Variants in NDUFAF2 observed in about 807,000 individuals in gnomAD.
The protein encoded by NDUFAF2 is NADH dehydrogenase [ubiquinone] 1 alpha subcomplex assembly factor 2.
NDUFAF2 carries 13 observed loss-of-function variants against 22.8 expected under a neutral mutation model. The ratio of observed to expected loss-of-function variants is 0.57; its 90% CI spans 0.37 to 0.91. NDUFAF2 has a LOEUF of 0.91. Among genes scored for constraint, NDUFAF2 ranks in the 40% least tolerant of loss-of-function variants. The probability of loss-of-function intolerance (pLI) is 0.01; values close to 1 mark genes in which losing one functional copy is unlikely to be tolerated. For synonymous variants in NDUFAF2, 53 were observed against 64.2 expected, an observed-to-expected ratio of 0.83 and a Z score of 0.84; for missense variants, 162 against 195.2, an observed-to-expected ratio of 0.83 and a Z score of 1.01.
chr5:60,955,801 T>C (rs1750607760), intron 1 of NDUFAF2, among the ~76,000 whole-genome samples: 1 of 152,184 alleles, frequency 6.6e-6, no homozygotes, highest in South Asian at 2.1e-4. Flanking sequence ...TTCCTTAGTT[T>C]GTTGCTAAAT....
chr5:61,149,857 C>A (rs1741201108), intron 3 of NDUFAF2, among the ~76,000 whole-genome samples: 4 of 152,110 alleles, frequency 2.6e-5, no homozygotes, highest in Non-Finnish European at 5.9e-5. Flanking sequence ...GTCTACAATT[C>A]CTATCCTGTT....
At position 61,101,404 on chromosome 5, in the gene NDUFAF2, G is replaced by A. The variant is rs556348389; in HGVS notation, c.258+2372G>A. On this transcript the variant is annotated intron_variant, in intron 3 of 3. Coordinates refer to ENST00000296597, the MANE Select transcript of NDUFAF2 (RefSeq NM_174889.5). The stretch of plus-strand genomic sequence containing the variant: ...ATTATAGTTTAGACTTGTCCATTTC[G>A]TAAAAACTTCGTATTTGTTTTAAAT... Among the ~76,000 whole-genome samples, 134 of 151,970 alleles carry A rather than the reference G, an allele frequency of 8.8e-4. No homozygotes were observed. In the Middle Eastern group the frequency reaches 0.01, roughly 12 times the overall value.
intron 1 of NDUFAF2, among the ~76,000 whole-genome samples, chr5:61,033,743 G>T (rs554297925): frequency 2.0e-4 from 31 of 151,884 alleles, no homozygotes; most frequent in Non-Finnish European, 3.4e-4. Flanking sequence ...TTAGAAGTCC[G>T]AACAGGGATA....
chr5:60,945,983 C>A (rs142812882), intron 1 of NDUFAF2, among the ~76,000 whole-genome samples: 2 of 152,252 alleles, frequency 1.3e-5, no homozygotes, highest in Non-Finnish European at 2.9e-5. Flanking sequence ...CCACAAGGCT[C>A]GCTGATTCCT....
At chr5:61,064,550 T>TA (rs1179110637) in intron 1 of NDUFAF2, among the ~76,000 whole-genome samples, 1 of 152,064 alleles carries the variant, frequency 6.6e-6, no homozygotes, top group Non-Finnish European at 1.5e-5. Context: ...ACTACAGTGA[T>TA]ATGAAACTAT....
intron 1 of NDUFAF2, among the ~76,000 whole-genome samples, chr5:61,047,925 T>C (rs544308137): frequency 6.6e-6 from 1 of 152,308 alleles, no homozygotes; most frequent in Admixed American, 6.5e-5. Flanking sequence ...AATGATTTTA[T>C]AGTCCTTACT....
At chr5:61,025,242 G>A (rs1333287673) in intron 1 of NDUFAF2, among the ~76,000 whole-genome samples, 2 of 151,924 alleles carry the variant, frequency 1.3e-5, no homozygotes, top group African/African-American at 4.8e-5. Context: ...TGGCACATAG[G>A]AGATGTTCAA....
intron 1 of NDUFAF2, among the ~76,000 whole-genome samples, chr5:61,031,142 C>T (rs1314297985): frequency 6.6e-6 from 1 of 152,024 alleles, no homozygotes; most frequent in Non-Finnish European, 1.5e-5. Context: ...CTCTTAGCAG[C>T]CATCAAATCA....
intron 3 of NDUFAF2, chr5:61,116,493 TA>T (rs1752913777): frequency 6.6e-6 from 1 of 152,170 alleles, no homozygotes; most frequent in African/African-American, 2.4e-5. Flanking sequence ...TAGAACCTTC[TA>T]TTCAATTTCC....
At chr5:61,040,286 A>ACACGCGCG (rs1491193758) in intron 1 of NDUFAF2, among the ~76,000 whole-genome samples, 51 of 93,094 alleles carry the variant, frequency 5.5e-4, no homozygotes, top group East Asian at 1.4e-3. Context: ...ACACACACAC[A>ACACGCGCG]CGCGCGCGCG....
chr5:61,047,422 A>G (rs943006643), intron 1 of NDUFAF2, among the ~76,000 whole-genome samples: 9 of 152,142 alleles, frequency 5.9e-5, no homozygotes, highest in African/African-American at 2.2e-4. Flanking sequence ...GAGAAAAAAA[A>G]AAAGTTTAAG....
chr5:60,992,820 T>G (rs961242570), intron 1 of NDUFAF2, among the ~76,000 whole-genome samples: 1 of 152,204 alleles, frequency 6.6e-6, no homozygotes, highest in Non-Finnish European at 1.5e-5. Context: ...AATTTTTTCC[T>G]TTAGTGCTTT....
chr5:61,077,647 A>G (rs1218869728), intron 2 of NDUFAF2, among the ~76,000 whole-genome samples: 1 of 152,226 alleles, frequency 6.6e-6, no homozygotes, highest in African/African-American at 2.4e-5. Context: ...AGAATTTTGT[A>G]ATAGTGATGG....
At chr5:60,949,956 A>G (rs1455949982) in intron 1 of NDUFAF2, among the ~76,000 whole-genome samples, 11 of 152,108 alleles carry the variant, frequency 7.2e-5, no homozygotes, top group Admixed American at 5.2e-4. Context: ...TTACTCACCT[A>G]CTAGTTCTTG....
At chr5:61,014,623 A>G (rs1002976056) in intron 1 of NDUFAF2, among the ~76,000 whole-genome samples, 1 of 152,118 alleles carries the variant, frequency 6.6e-6, no homozygotes, top group Non-Finnish European at 1.5e-5. Context: ...GACGTAACCT[A>G]TGGAGTCTGC....
At chr5:61,058,679 A>G (rs1752128504) in intron 1 of NDUFAF2, among the ~76,000 whole-genome samples, 4 of 151,972 alleles carry the variant, frequency 2.6e-5, no homozygotes, top group Admixed American at 2.6e-4. Context: ...GAATCACCTA[A>G]TATTCATTTT....
At chr5:61,062,881 A>G (rs12653132) in intron 1 of NDUFAF2, among the ~76,000 whole-genome samples, 64,999 of 151,986 alleles carry the variant, frequency 0.43, 14,642 homozygotes, top group East Asian at 0.81. Flanking sequence ...TTGCAGGCCA[A>G]GAGAGACTGA....
chr5:61,109,849 GA>G (rs1361783788), intron 3 of NDUFAF2, among the ~76,000 whole-genome samples: 4 of 152,130 alleles, frequency 2.6e-5, no homozygotes, highest in African/African-American at 9.7e-5. Context: ...GCAGAACTGT[GA>G]GTCAATTAAA....
intron 1 of NDUFAF2, among the ~76,000 whole-genome samples, chr5:61,071,144 G>T (rs1208079567): frequency 6.6e-6 from 1 of 152,230 alleles, no homozygotes. Context: ...CCTCTACTGT[G>T]AGAGAAATGC....
Sources: gnomAD v4.1 joint callset for allele counts (sites outside exome capture counted in the v4.1 genomes callset) on GRCh38, gnomAD v4.1.1 for gene constraint, MANE v1.5 for transcripts, NCBI Gene and HGNC (gene_info 2026-07-23, HGNC 2026-07-21) for gene names.